DPM1: variants seen among roughly 807,000 people sequenced by gnomAD.
The protein encoded by DPM1 is dolichyl-phosphate mannosyltransferase subunit 1, catalytic, also known as dolichol-phosphate mannosyltransferase subunit 1.
A neutral mutation model predicts 39.0 loss-of-function variants in DPM1; 27 were observed. That is an observed-to-expected ratio of 0.69 (90% CI 0.51 to 0.95). The LOEUF (loss-of-function observed/expected upper bound fraction) is 0.95. Among genes scored for constraint, DPM1 ranks in the 40% least tolerant of loss-of-function variants. The pLI is 0.00. For synonymous variants in DPM1, 124 were observed against 109.0 expected, an observed-to-expected ratio of 1.14 and a Z score of -0.86; for missense variants, 307 against 315.6, an observed-to-expected ratio of 0.97 and a Z score of 0.21.
intron 6 of DPM1, among the ~76,000 whole-genome samples, chr20:50,941,360 CAT>C (rs199796393): frequency 0.043 from 4,963 of 115,994 alleles, 220 homozygotes; most frequent in African/African-American, 0.14. Context: ...TATTCATATA[CAT>C]ATATATTCAT....
chr20:50,948,902 C>G (rs186097426), intron 2 of DPM1, among the ~76,000 whole-genome samples: 35 of 151,958 alleles, frequency 2.3e-4, no homozygotes, highest in African/African-American at 8.2e-4. Context: ...GCTCTGTTGC[C>G]TAGGCTGGAG....
chr20:50,936,038 G>T, intron 8 of DPM1, 110 bp downstream of exon 8: 1 of 747,394 alleles, frequency 1.3e-6, no homozygotes, highest in South Asian at 1.5e-5. Context: ...ACAACTAGAA[G>T]ACCTCCACAA....
chr20:50,935,939 T>TA (rs1165048200), intron 8 of DPM1, among the ~76,000 whole-genome samples: 1 of 152,226 alleles, frequency 6.6e-6, no homozygotes, highest in East Asian at 1.9e-4. Flanking sequence ...TTTAATTATT[T>TA]AAAAGAGAAT....
rs765444797 is a variant in DPM1 at position 50,941,106 on chromosome 20, T to G, written c.495-173A>C. ...AATTTTTAGTCAATGAAAGGAGACC[T>G]GGCTAGGCGCGGTGGCTCACACCTG... On this transcript the variant is annotated intron_variant, in intron 6 of 8. Transcript: ENST00000371588. 5.4e-6 allele frequency: 4 copies of G among 745,838 alleles called. No homozygotes were observed. The African/African-American group carries it at 7.2e-5, about 13-fold the overall frequency. The allele number at this position is 745,838 out of a possible 1,614,324, so 46.2% of individuals were successfully genotyped here.
Position 50,955,124 on chromosome 20 carries a change from T to C in DPM1, c.261+62A>G, listed in dbSNP as rs1333068086. On this transcript the variant is annotated intron_variant, in intron 2 of 8. Transcript: ENST00000371588. ...ATAGATTGAATTTAAGCATTGTTCA[T>C]GTCTCATCTTTCCCCTACATAATCA... 7 of 1,190,242 alleles carry C rather than the reference T, an allele frequency of 5.9e-6. No individual in the cohort carries two copies. In the African/African-American group the frequency reaches 9.0e-5, roughly 15 times the overall value. 73.7% of individuals were successfully genotyped at this position (1,190,242 alleles called of 1,614,324 possible).
chr20:50,945,246 AGG>A (rs1986190230), intron 5 of DPM1: 1 of 155,108 alleles, frequency 6.4e-6, no homozygotes, highest in Non-Finnish European at 1.4e-5. Context: ...TTTGCTCCTC[AGG>A]ACTCCTAAAA....
chr20:50,956,531 GAA>G (rs56159089), intron 1 of DPM1, among the ~76,000 whole-genome samples: 26 of 100,422 alleles, frequency 2.6e-4, no homozygotes, highest in Admixed American at 4.1e-4. Flanking sequence ...GTCTCCAAAA[GAA>G]AAAAAAAAAA....
intron 5 of DPM1, 101 bp from the exon 6 acceptor site, chr20:50,942,227 G>A (rs1985900292): frequency 3.7e-6 from 4 of 1,073,050 alleles, no homozygotes; most frequent in Non-Finnish European, 5.7e-6. Context: ...GTCGACACAG[G>A]CTGGGTGCAG....
rs548842615 is a variant in DPM1 at position 50,954,277 on chromosome 20, A to G, written c.261+909T>C. On this transcript the variant is annotated intron_variant, in intron 2 of 8. Transcript: ENST00000371588. ...ACCAATGGTTCTCTACTGGAGGCAA[A>G]GGGTAATTTTTCCCCTAAGGAAATA... 3.3e-5 allele frequency among the ~76,000 whole-genome samples: 5 copies of G among 152,292 alleles called. No individual in the cohort carries two copies. In the South Asian group the frequency reaches 1.0e-3, roughly 32 times the overall value.
chr20:50,942,947 G>A (rs1985974366), intron 5 of DPM1, among the ~76,000 whole-genome samples: 1 of 152,198 alleles, frequency 6.6e-6, no homozygotes, highest in Admixed American at 6.5e-5. Flanking sequence ...GGAGGCCTAG[G>A]CAGGTGGATC....
intron 7 of DPM1, among the ~76,000 whole-genome samples, chr20:50,940,126 C>G (rs1005066903): frequency 5.3e-5 from 7 of 132,816 alleles, no homozygotes; most frequent in Admixed American, 2.2e-4. Context: ...GTGTGTGTGT[C>G]AATTCTCACA....
At chr20:50,947,309 T>G (rs1457602791) in intron 3 of DPM1, among the ~76,000 whole-genome samples, 1 of 152,210 alleles carries the variant, frequency 6.6e-6, no homozygotes. Flanking sequence ...AGGCAGGGGT[T>G]GCAGTGAGCC....
At chr20:50,943,755 T>C (rs1254077468) in intron 5 of DPM1, among the ~76,000 whole-genome samples, 9 of 151,356 alleles carry the variant, frequency 5.9e-5, no homozygotes, top group African/African-American at 1.9e-4. Context: ...TTTTTTTTTT[T>C]TTGAGATGGA....
chr20:50,958,106 G>A (rs1986931691), intron 1 of DPM1, among the ~76,000 whole-genome samples: 1 of 152,238 alleles, frequency 6.6e-6, no homozygotes, highest in Non-Finnish European at 1.5e-5. Flanking sequence ...CTACGGAAAG[G>A]CGGGGGACGG....
chr20:50,958,449 G>C lies in DPM1; in HGVS notation c.75C>G (p.Asn25Lys). ...RELEVRSPRQ[N>K]KYSVLLPTYN... ...AGGTAGGTAAAAGCACCGAATATTT[G>C]TTCTGTCGTGGACTGCGCACTTCCA... The change falls in exon 1 of 9, where the codon AAC (asparagine) becomes AAG (lysine). Residue 25 changes from asparagine to lysine, a missense_variant. Physicochemically the swap from Asn to Lys is moderately conservative, Grantham distance 94. Transcript: ENST00000371588. 6.2e-7 allele frequency: 1 copy of C among 1,614,128 alleles called. No homozygotes were observed. Among genetic ancestry groups the C allele is most frequent in the Non-Finnish European group, 8.5e-7 (1 of 1,180,034 alleles).
At chr20:50,939,861 C>T (rs148335103) in intron 7 of DPM1, among the ~76,000 whole-genome samples, 32 of 152,330 alleles carry the variant, frequency 2.1e-4, no homozygotes, top group African/African-American at 7.5e-4. Context: ...GATCCACATG[C>T]CTCGGCCTCC....
In DPM1 at chr20:50,935,123, ATCTT is replaced by A. The variant is rs1568756633; in HGVS notation, c.*5_*8del. On this transcript the variant is annotated 3_prime_UTR_variant, in exon 9 of 9. Transcript: ENST00000371588. Reference sequence around the variant, plus strand: ...GAAATGAACGTAACTATAAATGAGTATCTTTCTTTTATGTAGTAGCAAAAAGAGT... The same window carrying A: ...GAAATGAACGTAACTATAAATGAGTATCTTTTATGTAGTAGCAAAAAGAGT... 7.0e-7 allele frequency: 1 copy of A among 1,424,752 alleles called. No homozygotes were observed. The highest frequency in any genetic ancestry group is 9.9e-7 in the Non-Finnish European group (1 of 1,008,882). 88.3% of individuals were successfully genotyped at this position (1,424,752 alleles called of 1,614,324 possible).
At chr20:50,950,640 G>A (rs575497775) in intron 2 of DPM1, among the ~76,000 whole-genome samples, 14 of 152,150 alleles carry the variant, frequency 9.2e-5, no homozygotes, top group Admixed American at 2.6e-4. Flanking sequence ...AGGCTGAGGC[G>A]GGTGAATCAT....
chr20:50,945,380 A>C (rs1986215525), intron 5 of DPM1, among the ~76,000 whole-genome samples: 1 of 151,938 alleles, frequency 6.6e-6, no homozygotes, highest in Non-Finnish European at 1.5e-5. Context: ...TCTCAGGGTC[A>C]CCAAGACTAG....
Sources: allele counts gnomAD v4.1 joint callset (sites outside exome capture counted in the v4.1 genomes callset), GRCh38; gene constraint gnomAD v4.1.1; transcripts MANE v1.5; gene names NCBI Gene and HGNC (gene_info 2026-07-23, HGNC 2026-07-21).